Variants in PCSK5 observed in about 807,000 individuals in gnomAD.
PCSK5 encodes prohormone convertase 5.
PCSK5 carries 129 observed loss-of-function variants against 233.2 expected under a neutral mutation model. That is an observed-to-expected ratio of 0.55 (90% CI 0.48 to 0.64). The LOEUF (loss-of-function observed/expected upper bound fraction) is 0.64. Ranked by LOEUF, PCSK5 falls within the 30% of genes least tolerant of loss-of-function variation. PCSK5 has a pLI of 0.00. For missense variants in PCSK5, 2,076 were observed against 2,430.1 expected, an observed-to-expected ratio of 0.85 and a Z score of 3.06; for synonymous variants, 825 against 879.2, an observed-to-expected ratio of 0.94 and a Z score of 1.09.
At chr9:76,160,842 C>T (rs535344890) in intron 12 of PCSK5, among the ~76,000 whole-genome samples, 4 of 151,650 alleles carry the variant, frequency 2.6e-5, no homozygotes, top group East Asian at 1.9e-4. Flanking sequence ...GGCACAATCT[C>T]GGCTCACTGC....
At position 76,246,359 on chromosome 9, in the gene PCSK5, A is replaced by C. The variant is rs868020772; in HGVS notation, c.3142+5675A>C. On this transcript the variant is annotated intron_variant, in intron 24 of 37. Transcript: ENST00000674117. ...TCCATCTCAAAAAAAAAAAAAAAAA[A>C]AAAAAAAACTACCGTGAGATACCAT... 3.7e-3 allele frequency among the ~76,000 whole-genome samples: 554 copies of C among 148,480 alleles called. 4 individuals are homozygous for C. The highest frequency in any genetic ancestry group is 0.013 in the African/African-American group (519 of 38,520).
intron 3 of PCSK5, among the ~76,000 whole-genome samples, chr9:75,995,779 A>T (rs987064316): frequency 1.3e-5 from 2 of 148,824 alleles, no homozygotes; most frequent in African/African-American, 4.9e-5. Context: ...ACACACACAC[A>T]CACTCACACC....
chr9:76,081,600 T>C (rs143622712), intron 7 of PCSK5, among the ~76,000 whole-genome samples: 15 of 152,330 alleles, frequency 9.8e-5, no homozygotes, highest in African/African-American at 3.4e-4. Flanking sequence ...CTTTTCTTTT[T>C]ATTACTTTTT....
chr9:76,152,202 A>G (rs1823704132), intron 10 of PCSK5, among the ~76,000 whole-genome samples: 1 of 152,114 alleles, frequency 6.6e-6, no homozygotes, highest in African/African-American at 2.4e-5. Flanking sequence ...TTTCAGTTGC[A>G]CGTACGGTGA....
intron 22 of PCSK5, among the ~76,000 whole-genome samples, chr9:76,238,705 A>G (rs1277442673): frequency 6.6e-6 from 1 of 152,208 alleles, no homozygotes; most frequent in African/African-American, 2.4e-5. Flanking sequence ...TCATTTTGCA[A>G]TGACATCCCA....
At chr9:76,289,352 C>T (rs909934339) in intron 24 of PCSK5, among the ~76,000 whole-genome samples, 1 of 151,998 alleles carries the variant, frequency 6.6e-6, no homozygotes, top group African/African-American at 2.4e-5. Context: ...GCTCTCTCAG[C>T]TCAAAAGTTT....
At chr9:76,077,718 G>T (rs1047277303) in intron 7 of PCSK5, among the ~76,000 whole-genome samples, 3 of 152,158 alleles carry the variant, frequency 2.0e-5, no homozygotes, top group Non-Finnish European at 4.4e-5. Context: ...TATCCATGTT[G>T]CTACAAAGGA....
intron 34 of PCSK5, among the ~76,000 whole-genome samples, chr9:76,337,685 G>C (rs1021132287): frequency 6.6e-6 from 1 of 152,088 alleles, no homozygotes; most frequent in African/African-American, 2.4e-5. Context: ...TGTTGGCCAG[G>C]CTGGTCTCAA....
chr9:76,356,396 T>A (rs1189766248), intron 37 of PCSK5, among the ~76,000 whole-genome samples: 5 of 152,190 alleles, frequency 3.3e-5, no homozygotes, highest in African/African-American at 9.7e-5. Context: ...TCACAAAGGC[T>A]AACCCTGACT....
chr9:76,308,435 A>G (rs6560510), intron 28 of PCSK5, among the ~76,000 whole-genome samples: 54,812 of 152,084 alleles, frequency 0.36, 10,514 homozygotes, highest in African/African-American at 0.47. Context: ...CTTGATAATC[A>G]ATTGCAAATG....
At chr9:76,033,349 T>C (rs1370474871) in intron 5 of PCSK5, among the ~76,000 whole-genome samples, 1 of 152,218 alleles carries the variant, frequency 6.6e-6, no homozygotes, top group Non-Finnish European at 1.5e-5. Flanking sequence ...AGTTTTCCTA[T>C]AGCTTAGTAG....
intron 3 of PCSK5, among the ~76,000 whole-genome samples, chr9:76,018,384 C>A (rs559072069): frequency 6.6e-6 from 1 of 152,332 alleles, no homozygotes; most frequent in East Asian, 1.9e-4. Context: ...AGGAACCGGG[C>A]TGCACAGCAG....
intron 24 of PCSK5, among the ~76,000 whole-genome samples, chr9:76,289,905 T>C (rs1211684071): frequency 6.6e-6 from 1 of 152,248 alleles, no homozygotes; most frequent in African/African-American, 2.4e-5. Flanking sequence ...GAAAAGTCCC[T>C]GAACTCAAGA....
chr9:76,070,246 C>T (rs1019125379), intron 6 of PCSK5, among the ~76,000 whole-genome samples: 4 of 152,106 alleles, frequency 2.6e-5, no homozygotes, highest in Admixed American at 6.6e-5. Context: ...GTGATCCACC[C>T]GCCTCGGCCT....
At position 76,323,222 on chromosome 9, in the gene PCSK5, G is replaced by A. The variant is rs1362648707; in HGVS notation, c.4273G>A (p.Asp1425Asn). 5.0e-6 allele frequency: 8 copies of A among 1,612,708 alleles called. No homozygotes were observed. Among genetic ancestry groups the A allele is most frequent in the East Asian group, 2.2e-5 (1 of 44,886 alleles). ...TCTTGAGAGTTCCTGGGTCCTCTAT[G>A]ATGGACTGTGCTTGGAGGAGTGTCC... ...LCLESSWVLY[D>N]GLCLEECPAG... is the part of the protein sequence containing the mutation. Residue 1425 changes from aspartate (D) to asparagine (N), a missense_variant, in exon 32 of 38, where the codon GAT becomes AAT. Transcript: ENST00000674117.
At position 76,106,106 on chromosome 9, in the gene PCSK5, T is replaced by G. The variant is rs546734868; in HGVS notation, c.1108-1145T>G. ...CACTTTGAAGGAGAGGCCTTTGTTT[T>G]CAGCTGCCTGGATCCCCCTTCACCT... On this transcript the variant is annotated intron_variant, in intron 8 of 37. Coordinates refer to ENST00000674117, the MANE Select transcript of PCSK5 (RefSeq NM_001372043.1). Among the ~76,000 whole-genome samples, 6 of 152,374 alleles carry G rather than the reference T, an allele frequency of 3.9e-5. No homozygotes were observed. The South Asian group carries it at 1.2e-3, about 32-fold the overall frequency.
chr9:76,178,840 T>C (rs1823727403), intron 14 of PCSK5, among the ~76,000 whole-genome samples: 1 of 152,230 alleles, frequency 6.6e-6, no homozygotes, highest in Non-Finnish European at 1.5e-5. Flanking sequence ...AGAAAGTTTT[T>C]CATCAATCAC....
At chr9:76,190,617 A>T (rs75534136) in intron 20 of PCSK5, among the ~76,000 whole-genome samples, 1 of 131,286 alleles carries the variant, frequency 7.6e-6, no homozygotes, top group African/African-American at 2.7e-5. Context: ...CCAATCTCCT[A>T]TTATTTGGAT....
intron 2 of PCSK5, among the ~76,000 whole-genome samples, chr9:75,982,480 G>T (rs971368686): frequency 2.0e-5 from 3 of 152,108 alleles, no homozygotes; most frequent in Non-Finnish European, 4.4e-5. Context: ...TCAACCTTTA[G>T]ACTGTTTGTA....
Sources: allele counts gnomAD v4.1 joint callset (sites outside exome capture counted in the v4.1 genomes callset), GRCh38; gene constraint gnomAD v4.1.1; transcripts MANE v1.5; gene names NCBI Gene and HGNC (gene_info 2026-07-23, HGNC 2026-07-21).